UGT2B11: variants seen among roughly 807,000 people sequenced by gnomAD.
UGT2B11 encodes UDP-glucuronosyltransferase 2B11.
Under a neutral mutation model 51.7 loss-of-function variants are expected in UGT2B11, and 49 were observed. The observed-to-expected ratio is 0.95, with a 90% CI of 0.75 to 1.20. UGT2B11 has a LOEUF of 1.20. Ranked by LOEUF, UGT2B11 falls within the 50% of genes most tolerant of loss-of-function variation. UGT2B11 has a pLI of 0.00. For synonymous variants in UGT2B11, 273 were observed against 209.0 expected, an observed-to-expected ratio of 1.31 and a Z score of -2.64; for missense variants, 810 against 622.1, an observed-to-expected ratio of 1.30 and a Z score of -3.21.
chr4:69,206,251 A>G (rs936046006), intron 3 of UGT2B11, among the ~76,000 whole-genome samples: 3 of 151,610 alleles, frequency 2.0e-5, no homozygotes, highest in South Asian at 2.1e-4. Flanking sequence ...TGGAATGAAT[A>G]AAGAAAATAT....
rs571344258 is a variant in UGT2B11 at position 69,200,739 on chromosome 4, A to G, written c.1311-20T>C. On this transcript the variant is annotated intron_variant, in intron 5 of 5. Transcript: ENST00000446444. ...TTATATCTGAAGGATAAAAATAAGG[A>G]TACCAACACTGAAAGTAAGTTAATT... 1.9e-5 allele frequency: 30 copies of G among 1,590,310 alleles called. No individual in the cohort carries two copies. The East Asian group carries it at 6.3e-4, about 33-fold the overall frequency.
chr4:69,212,696 T>C lies in UGT2B11; in HGVS notation c.747A>G (p.Thr249=). ...TAAGCCATATGTCAGCTTTTCCCAT[T>C]GTCTCAAATAAGGTAGTGGGTCTTC... is the stretch of plus-strand genomic sequence containing the variant. ...VLGRPTTLFE[T]MGKADIWLMR... Residue 249 remains threonine (T), a synonymous_variant, in exon 2 of 6, where the codon ACA becomes ACG. Coordinates refer to ENST00000446444, the MANE Select transcript of UGT2B11 (RefSeq NM_001073.3). 6.2e-7 allele frequency: 1 copy of C among 1,609,104 alleles called. No homozygotes were observed.
chr4:69,214,882 G>C (rs1213841354), upstream of UGT2B11: 1 of 1,134,202 alleles, frequency 8.8e-7, no homozygotes, highest in Non-Finnish European at 1.2e-6. Flanking sequence ...AACAAAGTTC[G>C]ATTACTTCAT....
chr4:69,215,627 G>A (rs999099878), upstream of UGT2B11: 1 of 151,718 alleles, frequency 6.6e-6, no homozygotes, highest in Non-Finnish European at 1.5e-5. Context: ...ATTTTTCTTG[G>A]GGATATGCCT....
At chr4:69,208,607 T>G in intron 2 of UGT2B11, 125 bp from the exon 3 acceptor site, 1 of 1,482,308 alleles carries the variant, frequency 6.7e-7, no homozygotes, top group Non-Finnish European at 9.0e-7. Flanking sequence ...ATTAATAATA[T>G]TTTTTAACTG....
At chr4:69,218,848 G>T (rs547490771), upstream of UGT2B11, among the ~76,000 whole-genome samples, 25 of 152,208 alleles carry the variant, frequency 1.6e-4, no homozygotes, top group African/African-American at 5.5e-4. Flanking sequence ...AAAGTCCCTG[G>T]ATTTTGTCTG....
chr4:69,220,280 G>T, the UGT2B11 span, among the ~76,000 whole-genome samples: 2 of 152,246 alleles, frequency 1.3e-5, no homozygotes, highest in East Asian at 3.9e-4. Flanking sequence ...AGTTTTGCAG[G>T]GTACAGGTCT....
chr4:69,209,200 A>G (rs1019643804), intron 2 of UGT2B11, among the ~76,000 whole-genome samples: 8 of 151,684 alleles, frequency 5.3e-5, no homozygotes, highest in African/African-American at 1.9e-4. Context: ...TAGAGTTTAT[A>G]GTTAGTTGTT....
At chr4:69,209,621 T>G (rs1721983482) in intron 2 of UGT2B11, among the ~76,000 whole-genome samples, 1 of 151,466 alleles carries the variant, frequency 6.6e-6, no homozygotes, top group South Asian at 2.1e-4. Context: ...TATGGCAGAG[T>G]GTTTTCTTAA....
At position 69,202,950 on chromosome 4, in the gene UGT2B11, G is replaced by A. The variant is rs370196988; in HGVS notation, c.1310+1480C>T. 4.1e-4 allele frequency among the ~76,000 whole-genome samples: 62 copies of A among 151,710 alleles called. No homozygotes were observed. The South Asian group carries it at 7.7e-3, about 19-fold the overall frequency. On this transcript the variant is annotated intron_variant, in intron 5 of 5. Coordinates refer to ENST00000446444, the MANE Select transcript of UGT2B11 (RefSeq NM_001073.3). ...TGAGAGTAGTTATAAATGCTGAATT[G>A]ATGGTAGCTGGACTCCGCAGGTAAT...
upstream of UGT2B11, among the ~76,000 whole-genome samples, chr4:69,219,233 G>A (rs1415232637): frequency 3.9e-4 from 60 of 152,010 alleles, no homozygotes; most frequent in East Asian, 3.9e-4. Context: ...ACATTCCTGT[G>A]TATATATTCT....
upstream of UGT2B11, chr4:69,216,100 G>C (rs1249347296): frequency 6.6e-6 from 1 of 151,964 alleles, no homozygotes; most frequent in Non-Finnish European, 1.5e-5. Flanking sequence ...CATACTGCCA[G>C]TTGTAAATGG....
intron 3 of UGT2B11, among the ~76,000 whole-genome samples, chr4:69,207,530 C>T (rs1467364464): frequency 6.6e-6 from 1 of 151,550 alleles, no homozygotes; most frequent in East Asian, 2.0e-4. Context: ...TTCTGTTTGA[C>T]TCCTTCCTAT....
the UGT2B11 span, among the ~76,000 whole-genome samples, chr4:69,224,185 C>A: frequency 8.5e-5 from 13 of 152,052 alleles, no homozygotes; most frequent in Non-Finnish European, 1.8e-4. Flanking sequence ...GTGGGAATAA[C>A]CTTGCTTGCG....
At chr4:69,222,307 C>T in the UGT2B11 span, among the ~76,000 whole-genome samples, 1 of 136,054 alleles carries the variant, frequency 7.4e-6, no homozygotes, top group African/African-American at 2.7e-5. Flanking sequence ...AGTTAAGGAG[C>T]TGTGCTTTCT....
At position 69,214,684 on chromosome 4, in the gene UGT2B11, A is replaced by T. The variant is rs1322948017; in HGVS notation, c.39T>A (p.His13Gln). 6.2e-7 allele frequency: 1 copy of T among 1,612,838 alleles called. No individual in the cohort carries two copies. Among genetic ancestry groups the T allele is most frequent in the Admixed American group, 1.7e-5 (1 of 59,922 alleles). The change falls in exon 1 of 6, where the codon CAT becomes CAA. Residue 13 changes from histidine (H) to glutamine (Q), a missense_variant. Transcript: ENST00000446444. ...TCCCAGAGCTAAAGTAACAACTGAG[A>T]TGTATCAGCAGAAGAACTGAAGTCC... ...LKWTSVLLLI[H>Q]LSCYFSSGSC...
chr4:69,205,032 G>T (rs1721797650), intron 4 of UGT2B11, among the ~76,000 whole-genome samples: 1 of 151,654 alleles, frequency 6.6e-6, no homozygotes, highest in Non-Finnish European at 1.5e-5. Flanking sequence ...TGCTAGGATT[G>T]AGGAAAGACA....
intron 5 of UGT2B11, among the ~76,000 whole-genome samples, chr4:69,202,816 C>A (rs1721707782): frequency 6.6e-6 from 1 of 151,518 alleles, no homozygotes; most frequent in Admixed American, 6.6e-5. Flanking sequence ...AATTATTTCC[C>A]ATCTTCTTTA....
intron 5 of UGT2B11, among the ~76,000 whole-genome samples, chr4:69,203,073 T>C (rs543305570): frequency 3.3e-5 from 5 of 151,764 alleles, no homozygotes; most frequent in Non-Finnish European, 4.4e-5. Context: ...CATCAAAAAG[T>C]AAAAAGTTAG....
Sources: gnomAD v4.1 joint callset for allele counts (sites outside exome capture counted in the v4.1 genomes callset) on GRCh38, gnomAD v4.1.1 for gene constraint, MANE v1.5 for transcripts, NCBI Gene and HGNC (gene_info 2026-07-23, HGNC 2026-07-21) for gene names.